PTPMT1: variants seen among roughly 807,000 people sequenced by gnomAD.
PTPMT1 encodes protein tyrosine phosphatase mitochondrial 1.
PTPMT1 carries 12 observed loss-of-function variants against 17.8 expected under a neutral mutation model. The ratio of observed to expected loss-of-function variants is 0.67; its 90% CI spans 0.43 to 1.09. The LOEUF is 1.09. Among genes scored for constraint, PTPMT1 ranks in the 50% least tolerant of loss-of-function variants. PTPMT1 has a pLI of 0.00. For missense variants in PTPMT1, 262 were observed against 266.0 expected, an observed-to-expected ratio of 0.99 and a Z score of 0.10; for synonymous variants, 132 against 116.8, an observed-to-expected ratio of 1.13 and a Z score of -0.84.
At chr11:47,569,658 T>C in intron 2 of PTPMT1, 42 bp from the exon 3 acceptor site, 1 of 1,532,908 alleles carries the variant, frequency 6.5e-7, no homozygotes, top group Non-Finnish European at 8.8e-7. Context: ...CCCACATAGT[T>C]TTTTTTCATT....
At position 47,573,326 on chromosome 11, in the gene PTPMT1, C is replaced by T. The variant is rs1171978686; in HGVS notation, c.*1697C>T. The T allele has an allele frequency of 1.9e-6, 3 of 1,614,192 alleles. No individual in the cohort carries two copies. The highest frequency in any genetic ancestry group is 1.7e-5 in the Admixed American group (1 of 60,024). On this transcript the variant is annotated 3_prime_UTR_variant, in exon 4 of 4. Coordinates refer to ENST00000326674, the MANE Select transcript of PTPMT1 (RefSeq NM_175732.3). This position sits in a 1 kb window ranked among gnomAD's most constrained non-coding sequence, Gnocchi z 4.1. ...GTTTGGTAAAGAAGTCCAGATCATT[C>T]TCCTCCCCCCCTAGTAAGTAGATGA...
At chr11:47,566,445 T>G (rs4752851) in intron 2 of PTPMT1, among the ~76,000 whole-genome samples, 3,099 of 147,270 alleles carry the variant, frequency 0.021, 49 homozygotes, top group Non-Finnish European at 0.033. Flanking sequence ...ATCTCGCCAT[T>G]GCATTCCAGC....
chr11:47,571,490 AG>A lies in PTPMT1; in HGVS notation c.469del (p.Glu157ArgfsTer3). 1.2e-6 allele frequency: 2 copies of A among 1,614,054 alleles called. No individual in the cohort carries two copies. The highest frequency in any genetic ancestry group is 1.7e-6 in the Non-Finnish European group (2 of 1,180,000). The part of the protein sequence containing the change: ...YLIQVHKWSP[E>X]EAVRAIAKIR... The stretch of plus-strand genomic sequence containing the variant: ...CTTCAGGTGCACAAATGGAGTCCAG[AG>A]GAGGCTGTAAGAGCCATCGCCAAGA... On this transcript the variant is annotated frameshift_variant, in exon 4 of 4. Coordinates refer to ENST00000326674, the MANE Select transcript of PTPMT1 (RefSeq NM_175732.3). LOFTEE classifies it low-confidence loss of function (END_TRUNC).
intron 2 of PTPMT1, among the ~76,000 whole-genome samples, chr11:47,568,694 T>A (rs991375120): frequency 4.6e-5 from 7 of 151,902 alleles, no homozygotes; most frequent in African/African-American, 1.7e-4. Context: ...TAAAATAAAA[T>A]ATATATATAT....
At chr11:47,567,516 T>G (rs573676273) in intron 2 of PTPMT1, among the ~76,000 whole-genome samples, 85 of 151,710 alleles carry the variant, frequency 5.6e-4, no homozygotes, top group Non-Finnish European at 9.7e-4. Flanking sequence ...TCTTAAAGCA[T>G]AAAGTTTGCC....
chr11:47,565,606 C>G lies in PTPMT1; in HGVS notation c.-17C>G, dbSNP rs1426081892. On this transcript the variant is annotated 5_prime_UTR_variant, in exon 1 of 4. Coordinates refer to ENST00000326674, the MANE Select transcript of PTPMT1 (RefSeq NM_175732.3). ...GCGAGCGCGGGGGCCGACGGGTCGC[C>G]GCTGCGCCGGGCCGGGATGGCGGCC... 15 of 1,290,214 alleles carry G rather than the reference C, an allele frequency of 1.2e-5. No individual in the cohort carries two copies. Among genetic ancestry groups the G allele is most frequent in the Non-Finnish European group, 1.5e-5 (15 of 1,021,720 alleles). The allele number at this position is 1,290,214 out of a possible 1,614,324, so 79.9% of individuals were successfully genotyped here.
intron 2 of PTPMT1, among the ~76,000 whole-genome samples, chr11:47,566,489 C>CAAAAAA (rs56146877): frequency 4.1e-5 from 5 of 120,542 alleles, no homozygotes; most frequent in African/African-American, 1.5e-4. Context: ...AACAATGTCT[C>CAAAAAA]AAAAAAAAAA....
rs749522423 is a variant in PTPMT1, at chr11:47,573,337, CT to C, written c.*1709del. The C allele has an allele frequency of 4.8e-5, 77 of 1,614,082 alleles. No homozygotes were observed. The highest frequency in any genetic ancestry group is 5.7e-5 in the Non-Finnish European group (67 of 1,180,042). On this transcript the variant is annotated 3_prime_UTR_variant, in exon 4 of 4. Transcript: ENST00000326674. The surrounding 1 kb of genome is among the most constrained non-coding windows in gnomAD (Gnocchi z 4.1). ...AAGTCCAGATCATTCTCCTCCCCCC[CT>C]AGTAAGTAGATGATCCCGTTGAGGT...
chr11:47,569,201 CATG>C (rs2097248090), intron 2 of PTPMT1, among the ~76,000 whole-genome samples: 1 of 151,546 alleles, frequency 6.6e-6, no homozygotes, highest in Non-Finnish European at 1.5e-5. Flanking sequence ...GCCTGGCCAA[CATG>C]ATGAAACCCC....
chr11:47,570,923 G>A (rs1565928000), intron 3 of PTPMT1, among the ~76,000 whole-genome samples: 1 of 152,174 alleles, frequency 6.6e-6, no homozygotes, highest in Non-Finnish European at 1.5e-5. Context: ...CAGGGTCTCA[G>A]GAGGGTATTT....
At position 47,567,331 on chromosome 11, in the gene PTPMT1, G is replaced by A. The variant is rs1236592983; in HGVS notation, c.255+1345G>A. On this transcript the variant is annotated intron_variant, in intron 2 of 3. Transcript: ENST00000326674. ...TGAGGCAGGAGAATCGCTTGAACCC[G>A]GGAGGCAGAAGTTGCAGTGGGCCGA... Among the ~76,000 whole-genome samples, 3 of 151,672 alleles carry A rather than the reference G, an allele frequency of 2.0e-5. No individual in the cohort carries two copies. The South Asian group carries it at 6.3e-4, about 32-fold the overall frequency.
intron 2 of PTPMT1, among the ~76,000 whole-genome samples, chr11:47,568,386 A>G (rs2097247519): frequency 6.6e-6 from 1 of 151,924 alleles, no homozygotes. Flanking sequence ...ATGCAAAAAA[A>G]TTACACTGGC....
rs1182968142 is a variant in PTPMT1 at position 47,569,797 on chromosome 11, C to T, written c.353C>T (p.Ala118Val). The T allele has an allele frequency of 1.2e-6, 2 of 1,613,982 alleles. No homozygotes were observed. The highest frequency in any genetic ancestry group is 1.3e-5 in the African/African-American group (1 of 74,908). ...AACCTCCAGAAGGGAGTCCAATTTGCTCTCAAGTACCAGTCGCTGGGCCAG... is the reference window on the plus strand; with the variant it reads ...AACCTCCAGAAGGGAGTCCAATTTGTTCTCAAGTACCAGTCGCTGGGCCAG... ...LDNLQKGVQF[A>V]LKYQSLGQCV... Residue 118 changes from alanine (A) to valine (V), a missense_variant, in exon 3 of 4, where the codon GCT becomes GTT. Physicochemically the swap from Ala to Val is moderately conservative, Grantham distance 64 (BLOSUM62 0). Transcript: ENST00000326674.
rs777407312 is a variant in PTPMT1, at chr11:47,571,647, G to A, written c.*18G>A. ...AGACATGATGTATGGGGATTAGAAA[G>A]AACTCAAGACACTCCTGCTTGATAC... On this transcript the variant is annotated 3_prime_UTR_variant, in exon 4 of 4. Transcript: ENST00000326674. The A allele has an allele frequency of 1.9e-6, 3 of 1,612,920 alleles. No individual in the cohort carries two copies. The highest frequency in any genetic ancestry group is 2.5e-6 in the Non-Finnish European group (3 of 1,179,202).
rs566843147 is a variant in PTPMT1 at position 47,573,292 on chromosome 11, G to C, written c.*1663G>C. The C allele has an allele frequency of 1.9e-6, 3 of 1,614,152 alleles. No homozygotes were observed. In the Admixed American group the frequency reaches 5.0e-5, roughly 27 times the overall value. The stretch of plus-strand genomic sequence containing the variant: ...GTCTCTGTGTCAAAGCACTGGATGA[G>C]TCGGGAAGGTTTGGTAAAGAAGTCC... On this transcript the variant is annotated 3_prime_UTR_variant, in exon 4 of 4. Coordinates refer to ENST00000326674, the MANE Select transcript of PTPMT1 (RefSeq NM_175732.3). This position sits in a 1 kb window ranked among gnomAD's most constrained non-coding sequence, Gnocchi z 4.1.
intron 3 of PTPMT1, 107 bp downstream of exon 3, chr11:47,569,998 G>T: frequency 1.1e-6 from 1 of 877,724 alleles, no homozygotes; most frequent in Non-Finnish European, 1.8e-6. Flanking sequence ...TTTGAGACCA[G>T]CCTGGGCAAC....
At chr11:47,571,405 T>C (rs2097249578) in intron 3 of PTPMT1, 66 bp from the exon 4 acceptor site, 1 of 1,456,850 alleles carries the variant, frequency 6.9e-7, no homozygotes, top group Admixed American at 1.9e-5. Context: ...CACCTGCTCA[T>C]GGGTCAAGGG....
At chr11:47,568,199 C>T (rs1441305378) in intron 2 of PTPMT1, among the ~76,000 whole-genome samples, 2 of 152,116 alleles carry the variant, frequency 1.3e-5, no homozygotes, top group Non-Finnish European at 1.5e-5. Context: ...GGATTACAGG[C>T]ATGAGCCACC....
In PTPMT1 at chr11:47,571,592, C is replaced by A. The variant is rs2097249741; in HGVS notation, c.569C>A (p.Ala190Glu). The change falls in exon 4 of 4, where the codon GCA becomes GAA. Residue 190 changes from alanine to glutamate, a missense_variant. By Grantham distance (107) the Ala-to-Glu change is moderately radical. Coordinates refer to ENST00000326674, the MANE Select transcript of PTPMT1 (RefSeq NM_175732.3). ...KEFHKQITAR[A>E]TKDGTFVISK... ...TTCCACAAGCAGATTACTGCACGGG[C>A]AACAAAGGATGGGACTTTTGTCATT... The A allele has an allele frequency of 2.5e-6, 4 of 1,613,756 alleles. No homozygotes were observed. The highest frequency in any genetic ancestry group is 2.7e-5 in the African/African-American group (2 of 74,836).
Sources: allele counts gnomAD v4.1 joint callset (sites outside exome capture counted in the v4.1 genomes callset), GRCh38; gene constraint gnomAD v4.1.1; non-coding constraint Gnocchi (gnomAD v3.1); transcripts MANE v1.5; gene names NCBI Gene and HGNC (gene_info 2026-07-23, HGNC 2026-07-21).